Variants in DCSTAMP observed in about 807,000 individuals in gnomAD.
DCSTAMP encodes dendrocyte expressed seven transmembrane protein, also known as dendritic cell-specific transmembrane protein.
Under a neutral mutation model 33.8 loss-of-function variants are expected in DCSTAMP, and 25 were observed. That is an observed-to-expected ratio of 0.74 (90% CI 0.54 to 1.03). DCSTAMP has a LOEUF of 1.03. DCSTAMP is among the 50% of genes least tolerant of loss of function. DCSTAMP has a pLI of 0.00. For missense variants in DCSTAMP, 531 were observed against 556.8 expected (o/e 0.95, Z 0.47); for synonymous variants, 245 against 216.7 (o/e 1.13, Z -1.15).
At chr8:104,348,256 C>G (rs73696748) in intron 1 of DCSTAMP, among the ~76,000 whole-genome samples, 3 of 152,170 alleles carry the variant, frequency 2.0e-5, no homozygotes, top group Admixed American at 6.5e-5. Flanking sequence ...CGTGAGAGCA[C>G]GTGGAGCGAG....
At chr8:104,351,942 G>T (rs1010178638) in intron 2 of DCSTAMP, among the ~76,000 whole-genome samples, 3 of 152,048 alleles carry the variant, frequency 2.0e-5, no homozygotes, top group Non-Finnish European at 4.4e-5. Context: ...TTTTTAAAAA[G>T]ATTATTACTT....
At position 104,348,781 on chromosome 8, in the gene DCSTAMP, C is replaced by T. The variant is rs1296470896; in HGVS notation, c.229C>T (p.His77Tyr). ...GTGTGTTCTGCTGTGTTGCTCCAAG[C>T]ATGCACGATGTTTTATTCTTCTTGT... ...ITCVLLCCSK[H>Y]ARCFILLVFL... The change falls in exon 2 of 4, where the codon CAT becomes TAT. Residue 77 changes from histidine to tyrosine, a missense_variant. By Grantham distance (83) the His-to-Tyr change is moderately conservative (BLOSUM62 2). Coordinates refer to ENST00000297581, the MANE Select transcript of DCSTAMP (RefSeq NM_030788.4). 1 of 1,614,184 alleles carries T rather than the reference C, an allele frequency of 6.2e-7. No individual in the cohort carries two copies. The highest frequency in any genetic ancestry group is 1.7e-5 in the Admixed American group (1 of 60,024).
chr8:104,345,525 G>T (rs1162485853), intron 1 of DCSTAMP, among the ~76,000 whole-genome samples: 1 of 152,196 alleles, frequency 6.6e-6, no homozygotes, highest in African/African-American at 2.4e-5. Context: ...GCTGTTGCCT[G>T]TTAAGAAAAC....
At chr8:104,348,491 A>G in intron 1 of DCSTAMP, 50 bp from the exon 2 acceptor site, 2 of 1,553,102 alleles carry the variant, frequency 1.3e-6, no homozygotes, top group Non-Finnish European at 1.7e-6. Flanking sequence ...TACGAAGGTC[A>G]GAGGACATTC....
Position 104,349,118 on chromosome 8 carries a change from G to C in DCSTAMP, c.566G>C (p.Ser189Thr), listed in dbSNP as rs780402700. The change falls in exon 2 of 4, where the codon AGC (serine) becomes ACC (threonine). Residue 189 changes from serine to threonine, a missense_variant. Physicochemically the swap from Ser to Thr is moderately conservative, Grantham distance 58. Transcript: ENST00000297581. ...SHVLEAQLND[S>T]KGEVLSVLYQ... ...GTCCTGGAGGCACAGCTAAATGACAGCAAAGGGGAAGTCCTGAGCGTCTTG... is the reference window on the plus strand; with the variant it reads ...GTCCTGGAGGCACAGCTAAATGACACCAAAGGGGAAGTCCTGAGCGTCTTG... The C allele has an allele frequency of 3.7e-6, 6 of 1,614,124 alleles. No homozygotes were observed. Among genetic ancestry groups the C allele is most frequent in the Non-Finnish European group, 5.1e-6 (6 of 1,180,032 alleles).
chr8:104,347,335 G>A (rs72667456), intron 1 of DCSTAMP, among the ~76,000 whole-genome samples: 17,483 of 152,244 alleles, frequency 0.11, 1,062 homozygotes, highest in Admixed American at 0.16. Context: ...CGTGGTTACA[G>A]AGCAGAGACA....
intron 2 of DCSTAMP, among the ~76,000 whole-genome samples, chr8:104,350,186 A>T (rs1467186903): frequency 1.3e-5 from 2 of 152,158 alleles, no homozygotes; most frequent in Non-Finnish European, 2.9e-5. Context: ...AGGCACTAAG[A>T]TCTTATATCT....
At chr8:104,348,074 G>A (rs944014438) in intron 1 of DCSTAMP, among the ~76,000 whole-genome samples, 1 of 152,188 alleles carries the variant, frequency 6.6e-6, no homozygotes, top group Non-Finnish European at 1.5e-5. Flanking sequence ...AAGGAATCAA[G>A]TTCTCCCCCA....
chr8:104,353,263 T>C (rs867585094), intron 2 of DCSTAMP, among the ~76,000 whole-genome samples: 40 of 152,336 alleles, frequency 2.6e-4, no homozygotes, highest in Middle Eastern at 6.8e-3. Flanking sequence ...GAGAGGAATA[T>C]AAATATTGAA....
At chr8:104,345,455 A>G (rs1235777025) in intron 1 of DCSTAMP, among the ~76,000 whole-genome samples, 1 of 152,178 alleles carries the variant, frequency 6.6e-6, no homozygotes, top group Non-Finnish European at 1.5e-5. Flanking sequence ...TCACTGCAGA[A>G]AGTTTTGGTG....
intron 2 of DCSTAMP, among the ~76,000 whole-genome samples, chr8:104,354,391 T>C (rs1405749451): frequency 6.6e-6 from 1 of 152,184 alleles, no homozygotes; most frequent in African/African-American, 2.4e-5. Flanking sequence ...AGGGGCTATG[T>C]TCTAAAGCAA....
At position 104,356,179 on chromosome 8, in the gene DCSTAMP, C is replaced by T. The variant is rs765750442; in HGVS notation, c.1394C>T (p.Ala465Val). The T allele has an allele frequency of 6.2e-7, 1 of 1,612,518 alleles. No homozygotes were observed. Among genetic ancestry groups the T allele is most frequent in the South Asian group, 1.1e-5 (1 of 90,796 alleles). The change falls in exon 4 of 4, where the codon GCA (alanine) becomes GTA (valine). Residue 465 changes from alanine (A) to valine (V), a missense_variant. Ala to Val is a moderately conservative substitution (Grantham distance 64). Coordinates refer to ENST00000297581, the MANE Select transcript of DCSTAMP (RefSeq NM_030788.4). ...ATTAGGAAGAAGCAAATGGACATGG[C>T]AAGTGCAGACAAGTCATGAGAGACC... The part of the protein sequence containing the change: ...KMIRKKQMDM[A>V]SADKS
intron 1 of DCSTAMP, among the ~76,000 whole-genome samples, chr8:104,343,300 G>T (rs1564063259): frequency 6.6e-6 from 1 of 152,158 alleles, no homozygotes; most frequent in Non-Finnish European, 1.5e-5. Flanking sequence ...ATAGTACAGG[G>T]TTAGAAAGCG....
rs751174268 is a variant in DCSTAMP at position 104,349,084 on chromosome 8, C to T, written c.532C>T (p.Pro178Ser). The T allele has an allele frequency of 1.2e-6, 2 of 1,614,120 alleles. No homozygotes were observed. Among genetic ancestry groups the T allele is most frequent in the East Asian group, 2.2e-5 (1 of 44,886 alleles). Residue 178 changes from proline to serine, a missense_variant, in exon 2 of 4, where the codon CCC (proline) becomes TCC (serine). Pro to Ser is a moderately conservative substitution (Grantham distance 74). Transcript: ENST00000297581. ...NQTLAVSLFS[P>S]SHVLEAQLND... is the part of the protein sequence containing the mutation. ...GACCCTGGCAGTCTCTCTTTTCAGT[C>T]CCAGCCATGTCCTGGAGGCACAGCT...
At chr8:104,342,901 T>C (rs143201547) in intron 1 of DCSTAMP, among the ~76,000 whole-genome samples, 7 of 152,076 alleles carry the variant, frequency 4.6e-5, no homozygotes, top group Admixed American at 2.0e-4. Flanking sequence ...AAAATATAGG[T>C]ATTCACGACT....
intron 1 of DCSTAMP, 61 bp from the exon 2 acceptor site, chr8:104,348,480 T>C: frequency 4.6e-6 from 7 of 1,520,864 alleles, no homozygotes; most frequent in Non-Finnish European, 6.2e-6. Flanking sequence ...ACCATGGCCT[T>C]TACGAAGGTC....
chr8:104,349,613 C>A, intron 2 of DCSTAMP, 32 bp downstream of exon 2: 1 of 1,574,132 alleles, frequency 6.4e-7, no homozygotes, highest in Non-Finnish European at 8.6e-7. Flanking sequence ...CATGGTTTAT[C>A]CCGGCTATTT....
Position 104,348,789 on chromosome 8 carries a change from A to G in DCSTAMP, c.237A>G (p.Arg79=). The G allele has an allele frequency of 1.2e-6, 2 of 1,614,100 alleles. No individual in the cohort carries two copies. The highest frequency in any genetic ancestry group is 1.7e-6 in the Non-Finnish European group (2 of 1,180,024). Residue 79 remains arginine (R), a synonymous_variant, in exon 2 of 4, where the codon CGA becomes CGG. Transcript: ENST00000297581. ...CVLLCCSKHA[R]CFILLVFLSC... is the part of the protein sequence containing the mutation. ...TGCTGTGTTGCTCCAAGCATGCACG[A>G]TGTTTTATTCTTCTTGTCTTTCTCT...
intron 2 of DCSTAMP, among the ~76,000 whole-genome samples, chr8:104,352,131 A>G (rs1021753447): frequency 2.0e-5 from 3 of 152,126 alleles, no homozygotes; most frequent in Non-Finnish European, 4.4e-5. Flanking sequence ...AAACCCTCCC[A>G]TGAAGCCCCA....
Sources: allele counts gnomAD v4.1 joint callset (sites outside exome capture counted in the v4.1 genomes callset), GRCh38; gene constraint gnomAD v4.1.1; transcripts MANE v1.5; gene names NCBI Gene and HGNC (gene_info 2026-07-23, HGNC 2026-07-21).